PER2: variants seen among roughly 807,000 people sequenced by gnomAD.
PER2 encodes period circadian regulator 2.
A neutral mutation model predicts 121.0 loss-of-function variants in PER2; 66 were observed. The observed-to-expected ratio is 0.55, with a 90% confidence interval of 0.45 to 0.67. The LOEUF is 0.67. PER2 is among the 30% of genes least tolerant of loss of function. The pLI is 0.00. For missense variants in PER2, 1,521 were observed against 1,635.0 expected, an observed-to-expected ratio of 0.93 and a Z score of 1.20; for synonymous variants, 684 against 659.9, an observed-to-expected ratio of 1.04 and a Z score of -0.56.
chr2:238,286,277 G>A (rs1439856638), intron 1 of PER2, among the ~76,000 whole-genome samples: 2 of 152,124 alleles, frequency 1.3e-5, no homozygotes, highest in African/African-American at 2.4e-5. Flanking sequence ...TGTCACCCCA[G>A]GAAGAGCACG....
At position 238,275,768 on chromosome 2, in the gene PER2, G is replaced by A. The variant is rs994231021; in HGVS notation, c.423C>T (p.Ala141=). ...KASTLATLKY[A]LRSVKQVKAN... is the part of the protein sequence containing the mutation. ...CTTTCACCTGCTTCACGCTCCTGAG[G>A]GCGTACTTCAAGGTGGCCAGCGTAC... Residue 141 remains alanine (A), a synonymous_variant, in exon 4 of 23, where the codon GCC becomes GCT. Transcript: ENST00000254657. 1 of 1,614,190 alleles carries A rather than the reference G, an allele frequency of 6.2e-7. No homozygotes were observed. Among genetic ancestry groups the A allele is most frequent in the Non-Finnish European group, 8.5e-7 (1 of 1,180,030 alleles).
intron 20 of PER2, 35 bp from the exon 21 acceptor site, chr2:238,250,778 T>C (rs749282446): frequency 6.9e-7 from 1 of 1,446,388 alleles, no homozygotes; most frequent in Non-Finnish European, 9.7e-7. Context: ...GTCAAAACAT[T>C]GACATATGAA....
Position 238,271,321 on chromosome 2 carries a change from T to C in PER2, c.763A>G (p.Ser255Gly). The change falls in exon 6 of 23, where the codon AGT becomes GGT. Residue 255 changes from serine to glycine, a missense_variant. By Grantham distance (56) the Ser-to-Gly change is moderately conservative (BLOSUM62 0). Transcript: ENST00000254657. ...ACCTCGATAACCTCACCTGCTCCAC[T>C]GCACATGCTCCACAAGGGAAGCTTG... ...PYKLPLWSMC[S>G]GADSFTQECM... 4 of 1,613,596 alleles carry C rather than the reference T, an allele frequency of 2.5e-6. No individual in the cohort carries two copies. The highest frequency in any genetic ancestry group is 3.4e-6 in the Non-Finnish European group (4 of 1,179,656).
chr2:238,298,962 G>A, the PER2 span: 9 of 152,404 alleles, frequency 5.9e-5, no homozygotes, highest in Admixed American at 3.9e-4. Context: ...TACAGCCACT[G>A]GGTAGGAGAA....
chr2:238,279,616 G>A (rs1313623477), intron 1 of PER2, among the ~76,000 whole-genome samples: 2 of 152,190 alleles, frequency 1.3e-5, no homozygotes, highest in Non-Finnish European at 2.9e-5. Context: ...CTGGAACAAA[G>A]GGAGAGAAGG....
chr2:238,282,889 G>T (rs908474245), intron 1 of PER2, among the ~76,000 whole-genome samples: 1 of 152,220 alleles, frequency 6.6e-6, no homozygotes, highest in Non-Finnish European at 1.5e-5. Flanking sequence ...CCTTGCGCAC[G>T]AGCCCTCGTG....
chr2:238,280,815 A>G (rs1244159426), intron 1 of PER2, among the ~76,000 whole-genome samples: 1 of 152,152 alleles, frequency 6.6e-6, no homozygotes, highest in Non-Finnish European at 1.5e-5. Context: ...ACAGATCTGA[A>G]TCTGCCAATC....
Position 238,275,739 on chromosome 2 carries a change from G to A in PER2, c.448+4C>T, listed in dbSNP as rs1488631342. The A allele has an allele frequency of 4.3e-6, 7 of 1,613,556 alleles. No homozygotes were observed. Among genetic ancestry groups the A allele is most frequent in the African/African-American group, 1.3e-5 (1 of 75,046 alleles). ...TTTGGAGCAGATGTGCGAGGCCGAC[G>A]TACCTTTCACCTGCTTCACGCTCCT... On this transcript the variant is annotated splice_donor_region_variant and intron_variant, in intron 4 of 22. Coordinates refer to ENST00000254657, the MANE Select transcript of PER2 (RefSeq NM_022817.3).
intron 1 of PER2, among the ~76,000 whole-genome samples, chr2:238,278,468 T>A (rs1447637602): frequency 6.6e-6 from 1 of 152,176 alleles, no homozygotes; most frequent in Non-Finnish European, 1.5e-5. Context: ...ATTAGGAAGA[T>A]GGTTGAATGA....
intron 22 of PER2, among the ~76,000 whole-genome samples, chr2:238,246,943 C>T (rs963611566): frequency 6.6e-6 from 1 of 152,138 alleles, no homozygotes; most frequent in South Asian, 2.1e-4. Context: ...AGGTGGCTGG[C>T]AGCAAAGGCC....
chr2:238,248,854 A>T (rs1695518120), intron 22 of PER2: 2 of 593,360 alleles, frequency 3.4e-6, no homozygotes, highest in Non-Finnish European at 6.3e-6. Flanking sequence ...ACGGGGTTTC[A>T]CCGTGTTTGC....
chr2:238,262,462 A>G, intron 10 of PER2, 118 bp from the exon 11 acceptor site: 1 of 936,066 alleles, frequency 1.1e-6, no homozygotes, highest in Admixed American at 2.1e-5. Flanking sequence ...AGGGGTATGA[A>G]CACTTCTTCA....
intron 1 of PER2, among the ~76,000 whole-genome samples, chr2:238,282,667 C>T (rs2106329859): frequency 6.6e-6 from 1 of 152,364 alleles, no homozygotes; most frequent in East Asian, 1.9e-4. Context: ...GACTGACTTG[C>T]CCTTATTCGC....
intron 18 of PER2, chr2:238,254,388 G>C (rs1453844361): frequency 6.5e-6 from 1 of 153,976 alleles, no homozygotes; most frequent in African/African-American, 2.4e-5. Flanking sequence ...ATCACGCGGA[G>C]TGACTTGGGG....
Position 238,248,906 on chromosome 2 carries a change from C to T in PER2, c.3618+156G>A, listed in dbSNP as rs1695520446. The T allele has an allele frequency of 1.4e-5, 11 of 782,006 alleles. No individual in the cohort carries two copies. The South Asian group carries it at 1.5e-4, about 11-fold the overall frequency. 48.4% of individuals were successfully genotyped at this position (782,006 alleles called of 1,614,324 possible). A position where few individuals can be genotyped will look rare whatever the true frequency, so the allele number is the denominator to read the frequency against. On this transcript the variant is annotated intron_variant, in intron 22 of 22. Transcript: ENST00000254657. ...TCCTGACCTCGTGATCCACCCGCTT[C>T]GGCCTCCCAAAGTGCTGGGATTACA...
rs756226907 is a variant in PER2 at position 238,288,491 on chromosome 2, C to G, written c.-162G>C. 2.0e-5 allele frequency: 3 copies of G among 152,196 alleles called. No individual in the cohort carries two copies. The highest frequency in any genetic ancestry group is 4.4e-5 in the Non-Finnish European group (3 of 68,028). The allele number at this position is 152,196 out of a possible 1,614,324, so 9.4% of individuals were successfully genotyped here. A position where few individuals can be genotyped will look rare whatever the true frequency, so the allele number is the denominator to read the frequency against. On this transcript the variant is annotated 5_prime_UTR_variant, in exon 1 of 23. Transcript: ENST00000254657. ...AGGGCCAAGGGCACACGCCCCCACG[C>G]CGGCGCCGTTTCAAGCCGAGGAGTC...
At chr2:238,282,350 C>G (rs11690460) in intron 1 of PER2, among the ~76,000 whole-genome samples, 99 of 152,346 alleles carry the variant, frequency 6.5e-4, no homozygotes, top group African/African-American at 2.1e-3. Flanking sequence ...GGGCTTTCCT[C>G]GCCAGCACTG....
At chr2:238,293,796 C>T (rs892154305), upstream of PER2, among the ~76,000 whole-genome samples, 5 of 151,496 alleles carry the variant, frequency 3.3e-5, no homozygotes, top group Admixed American at 1.3e-4. Context: ...TTCACTGAGA[C>T]GAAAGCTGTG....
At chr2:238,251,841 C>T (rs1227534458) in intron 19 of PER2, 80 bp from the exon 20 acceptor site, 6 of 654,302 alleles carry the variant, frequency 9.2e-6, no homozygotes, top group Middle Eastern at 3.7e-4. Flanking sequence ...GGGTGGGGGG[C>T]ATGAGTGGGG....
Sources: gnomAD v4.1 joint callset for allele counts (sites outside exome capture counted in the v4.1 genomes callset) on GRCh38, gnomAD v4.1.1 for gene constraint, MANE v1.5 for transcripts, NCBI Gene and HGNC (gene_info 2026-07-23, HGNC 2026-07-21) for gene names.